Variants in PTPRK observed in about 807,000 individuals in gnomAD.
The protein encoded by PTPRK is receptor-type tyrosine-protein phosphatase kappa.
In PTPRK, 75 loss-of-function variants were observed where a neutral mutation model predicts 178.0. That is an observed-to-expected ratio of 0.42 (90% CI 0.35 to 0.51). The LOEUF (loss-of-function observed/expected upper bound fraction) is 0.51. PTPRK is among the 20% of genes least tolerant of loss of function. PTPRK has a pLI of 0.02. For missense variants in PTPRK, 1,441 were observed against 1,797.8 expected, an observed-to-expected ratio of 0.80 and a Z score of 3.59; for synonymous variants, 637 against 620.6, an observed-to-expected ratio of 1.03 and a Z score of -0.39.
chr6:128,272,709 A>G (rs1820051864), intron 3 of PTPRK, among the ~76,000 whole-genome samples: 1 of 152,196 alleles, frequency 6.6e-6, no homozygotes, highest in Non-Finnish European at 1.5e-5. Flanking sequence ...TCAGGAAACA[A>G]CAGGTGCTGG....
chr6:128,503,303 T>C (rs775015808), intron 1 of PTPRK, among the ~76,000 whole-genome samples: 10 of 152,216 alleles, frequency 6.6e-5, no homozygotes, highest in Non-Finnish European at 1.3e-4. Context: ...TATTACTTCC[T>C]CATTTTCCCA....
chr6:128,198,658 A>G (rs531031007), intron 6 of PTPRK, among the ~76,000 whole-genome samples: 1 of 152,246 alleles, frequency 6.6e-6, no homozygotes, highest in East Asian at 1.9e-4. Flanking sequence ...TATACTTCCT[A>G]GAGTGTCTTT....
chr6:127,977,573 A>G lies in PTPRK; in HGVS notation c.3712-519T>C, dbSNP rs538128441. On this transcript the variant is annotated intron_variant, in intron 25 of 29. Coordinates refer to ENST00000368226, the MANE Select transcript of PTPRK (RefSeq NM_002844.4). ...AAGAAAAACCACAAGTAGCTCAAAC[A>G]CTTGTGCTTTTACATTATGTGGACA... 5.9e-4 allele frequency among the ~76,000 whole-genome samples: 90 copies of G among 152,312 alleles called. 1 individual carries two copies. Among genetic ancestry groups the G allele is most frequent in the Middle Eastern group, 3.4e-3 (1 of 294 alleles).
intron 7 of PTPRK, among the ~76,000 whole-genome samples, chr6:128,151,763 A>G (rs1797284524): frequency 6.6e-6 from 1 of 152,058 alleles, no homozygotes; most frequent in African/African-American, 2.4e-5. Context: ...AGAAGTTTGA[A>G]TGGAGTGATC....
chr6:128,056,171 C>T (rs565251389), intron 13 of PTPRK, among the ~76,000 whole-genome samples: 1 of 151,962 alleles, frequency 6.6e-6, no homozygotes, highest in East Asian at 1.9e-4. Context: ...TCCCCTCCCT[C>T]TTTCCTCTTT....
intron 11 of PTPRK, among the ~76,000 whole-genome samples, chr6:128,073,925 T>G (rs1783292728): frequency 1.3e-5 from 2 of 152,054 alleles, no homozygotes; most frequent in African/African-American, 4.8e-5. Flanking sequence ...GGATAGTGGT[T>G]AGGAAAATTA....
intron 7 of PTPRK, among the ~76,000 whole-genome samples, chr6:128,094,362 CTAAG>C: frequency 6.6e-6 from 1 of 152,056 alleles, no homozygotes; most frequent in Non-Finnish European, 1.5e-5. Context: ...GAGATTAGGG[CTAAG>C]TAAGGAGGGG....
chr6:128,471,848 G>T (rs965594241), intron 1 of PTPRK, among the ~76,000 whole-genome samples: 1 of 151,958 alleles, frequency 6.6e-6, no homozygotes, highest in African/African-American at 2.4e-5. Context: ...GCTGATTATG[G>T]TTTCTCTTCA....
intron 5 of PTPRK, among the ~76,000 whole-genome samples, chr6:128,227,032 C>T (rs1469322169): frequency 2.0e-5 from 3 of 152,014 alleles, no homozygotes; most frequent in Non-Finnish European, 4.4e-5. Context: ...TAGTCCACTA[C>T]ATGATGCAGC....
chr6:128,082,746 G>T, intron 9 of PTPRK, 108 bp from the exon 10 acceptor site: 12 of 759,272 alleles, frequency 1.6e-5, no homozygotes, highest in South Asian at 9.1e-5. Flanking sequence ...TGGAGTCAAT[G>T]GTAATTTTTT....
chr6:128,388,883 A>G (rs1839151324), intron 2 of PTPRK, among the ~76,000 whole-genome samples: 2 of 152,212 alleles, frequency 1.3e-5, no homozygotes, highest in Admixed American at 1.3e-4. Flanking sequence ...CACTCAAAAC[A>G]TAACTTTTGA....
At chr6:128,057,588 CTGGAGAAATTAAG>C (rs963312718) in intron 13 of PTPRK, among the ~76,000 whole-genome samples, 1 of 152,202 alleles carries the variant, frequency 6.6e-6, no homozygotes, top group African/African-American at 2.4e-5. Context: ...CAATTCCATC[CTGGAGAAATTAAG>C]CATGTCCTGT....
At chr6:128,440,618 T>A (rs1584734920) in intron 1 of PTPRK, among the ~76,000 whole-genome samples, 1 of 152,178 alleles carries the variant, frequency 6.6e-6, no homozygotes, top group Non-Finnish European at 1.5e-5. Flanking sequence ...TGTGTATATA[T>A]ACAATCAAGA....
At chr6:128,054,909 A>G (rs576126172) in intron 13 of PTPRK, among the ~76,000 whole-genome samples, 3 of 152,198 alleles carry the variant, frequency 2.0e-5, no homozygotes, top group Non-Finnish European at 4.4e-5. Context: ...GACACTTTAA[A>G]TAGACCCTTA....
intron 7 of PTPRK, among the ~76,000 whole-genome samples, chr6:128,132,607 C>T (rs1049816383): frequency 2.6e-5 from 4 of 152,200 alleles, no homozygotes; most frequent in Non-Finnish European, 4.4e-5. Flanking sequence ...TCCTGTATTA[C>T]GCTGATGACA....
intron 13 of PTPRK, among the ~76,000 whole-genome samples, chr6:128,053,778 T>C (rs528900393): frequency 6.6e-6 from 1 of 152,312 alleles, no homozygotes; most frequent in Non-Finnish European, 1.5e-5. Context: ...ACTCAGGCTC[T>C]GACAAGGTCT....
At chr6:127,972,943 T>C in intron 29 of PTPRK, 79 bp downstream of exon 29, 2 of 1,418,208 alleles carry the variant, frequency 1.4e-6, no homozygotes, top group East Asian at 2.3e-5. Flanking sequence ...CCTATGTGTG[T>C]ATGAAGTCAA....
chr6:128,330,607 T>C (rs940173335), intron 2 of PTPRK, among the ~76,000 whole-genome samples: 3 of 152,170 alleles, frequency 2.0e-5, no homozygotes, highest in Non-Finnish European at 2.9e-5. Flanking sequence ...GGAGGACAAA[T>C]AGAATGGAAT....
intron 7 of PTPRK, among the ~76,000 whole-genome samples, chr6:128,144,966 C>G (rs1279131253): frequency 6.6e-6 from 1 of 152,130 alleles, no homozygotes; most frequent in Non-Finnish European, 1.5e-5. Flanking sequence ...CAACAAATCT[C>G]TCTCAGGAAG....
Sources: gnomAD v4.1 joint callset for allele counts (sites outside exome capture counted in the v4.1 genomes callset) on GRCh38, gnomAD v4.1.1 for gene constraint, MANE v1.5 for transcripts, NCBI Gene and HGNC (gene_info 2026-07-23, HGNC 2026-07-21) for gene names.